Variants in C12orf57 observed in about 807,000 individuals in gnomAD.
C12orf57 encodes protein C10.
C12orf57 carries 14 observed loss-of-function variants against 11.3 expected under a neutral mutation model. The ratio of observed to expected loss-of-function variants is 1.24; its 90% confidence interval spans 0.82 to 1.94. C12orf57 has a LOEUF of 1.94. Among genes scored for constraint, C12orf57 ranks in the 30% most tolerant of loss-of-function variants. C12orf57 has a pLI of 0.00. For synonymous variants in C12orf57, 100 were observed against 74.6 expected (o/e 1.34, Z -1.76); for missense variants, 229 against 172.4 (o/e 1.33, Z -1.84).
chr12:6,943,927 T>C (rs782535843), upstream of C12orf57: 49 of 1,327,218 alleles, frequency 3.7e-5, no homozygotes, highest in South Asian at 1.2e-4. Context: ...GTGCAAAAAT[T>C]ATGGGTAGTT....
chr12:6,943,501 C>A (rs1434095462), upstream of C12orf57: 3 of 1,273,298 alleles, frequency 2.4e-6, no homozygotes, highest in Non-Finnish European at 3.0e-6. Flanking sequence ...TAGGAAACTG[C>A]GACAACGGCT....
Position 6,945,968 on chromosome 12 carries a change from ATGT to A in C12orf57, c.*48_*50del. On this transcript the variant is annotated 3_prime_UTR_variant, in exon 3 of 3. Coordinates refer to ENST00000229281, the MANE Select transcript of C12orf57 (RefSeq NM_138425.4). ...CACTGCCAGGGGAGGAAAGGCCTTG[ATGT>A]TCCAGACAATAATAAATGCGCCTGT... is the stretch of plus-strand genomic sequence containing the variant. The A allele has an allele frequency of 6.3e-7, 1 of 1,582,192 alleles. No homozygotes were observed. Among genetic ancestry groups the A allele is most frequent in the South Asian group, 1.1e-5 (1 of 88,194 alleles).
chr12:6,943,941 G>T (rs112228671), upstream of C12orf57: 8 of 1,425,184 alleles, frequency 5.6e-6, no homozygotes, highest in Admixed American at 2.5e-5. Context: ...GGTAGTTTTG[G>T]TGGTCTTGAT....
At chr12:6,943,888 T>G (rs916763179), upstream of C12orf57, 5 of 1,054,118 alleles carry the variant, frequency 4.7e-6, no homozygotes, top group Non-Finnish European at 6.6e-6. Context: ...TCTTATGATG[T>G]TTGTTGCCAA....
upstream of C12orf57, chr12:6,943,853 T>TA (rs1298070350): frequency 3.4e-5 from 31 of 909,290 alleles, no homozygotes; most frequent in Middle Eastern, 3.6e-4. Flanking sequence ...CTAGTAGGCT[T>TA]TCTGGCTTTT....
Position 6,944,607 on chromosome 12 carries a change from C to T in C12orf57, c.184C>T (p.Gln62Ter), listed in dbSNP as rs587777698. Residue 62 changes from glutamine (Q) to a stop codon, truncating the protein, a stop_gained, in exon 2 of 3, where the codon CAG becomes TAG. Transcript: ENST00000229281. LOFTEE classifies it high-confidence loss of function. ...CGTGCTGCCCGTGGCCACGCAGATCCAGCAGGAGGTTATCAAAGCCTATGG... is the reference window on the plus strand; with the variant it reads ...CGTGCTGCCCGTGGCCACGCAGATCTAGCAGGAGGTTATCAAAGCCTATGG... Reference protein sequence around the residue: ...QFVLPVATQIQQEVIKAYGFS... With the variant: ...QFVLPVATQI 2.5e-6 allele frequency: 4 copies of T among 1,614,146 alleles called. No homozygotes were observed. Among genetic ancestry groups the T allele is most frequent in the Non-Finnish European group, 3.4e-6 (4 of 1,180,006 alleles).
At chr12:6,944,411 T>G (rs376869355) in intron 1 of C12orf57, 65 bp from the exon 2 acceptor site, 25 of 1,575,778 alleles carry the variant, frequency 1.6e-5, no homozygotes, top group South Asian at 1.1e-4. Flanking sequence ...CGCTCTCCGC[T>G]GGGCCCGCTG....
At chr12:6,945,039 A>G in intron 2 of C12orf57, 2 of 414,064 alleles carry the variant, frequency 4.8e-6, no homozygotes, top group Non-Finnish European at 4.1e-6. Flanking sequence ...AATAGTCTGA[A>G]TAATTTTGTG....
intron 1 of C12orf57, 74 bp from the exon 2 acceptor site, chr12:6,944,402 G>T (rs1380037981): frequency 1.3e-6 from 2 of 1,567,244 alleles, no homozygotes; most frequent in Non-Finnish European, 1.7e-6. Flanking sequence ...AATTCCTTGC[G>T]CTCTCCGCTG....
chr12:6,943,864 T>TGGTAAAAA, upstream of C12orf57: 2 of 937,258 alleles, frequency 2.1e-6, no homozygotes, highest in Non-Finnish European at 3.0e-6. Flanking sequence ...TCTGGCTTTT[T>TGGTAAAAA]ACCGGAAAGC....
upstream of C12orf57, chr12:6,943,913 C>G (rs79312103): frequency 7.3e-6 from 9 of 1,225,622 alleles, no homozygotes; most frequent in East Asian, 7.7e-5. Flanking sequence ...AGATTGTTTT[C>G]ACTGTGCAAA....
intron 2 of C12orf57, chr12:6,945,079 C>A: frequency 3.2e-6 from 1 of 311,194 alleles, no homozygotes; most frequent in Non-Finnish European, 5.8e-6. Flanking sequence ...TGCGTTTTGA[C>A]TACAGTCTCC....
upstream of C12orf57, chr12:6,943,679 A>G (rs1945685827): frequency 7.8e-7 from 1 of 1,281,914 alleles, no homozygotes; most frequent in African/African-American, 1.5e-5. Context: ...TCCTTAGAAT[A>G]TTATTTTTCC....
intron 1 of C12orf57, 27 bp from the exon 2 acceptor site, chr12:6,944,449 C>G: frequency 6.2e-7 from 1 of 1,606,154 alleles, no homozygotes; most frequent in Non-Finnish European, 8.5e-7. Context: ...ACCCGGGACG[C>G]CTCCCTGGGA....
At chr12:6,945,644 C>T (rs1945785637) in intron 2 of C12orf57, 127 bp from the exon 3 acceptor site, 11 of 944,616 alleles carry the variant, frequency 1.2e-5, no homozygotes, top group Non-Finnish European at 1.8e-5. Flanking sequence ...GGCCTGCATG[C>T]GTCCTGTTTG....
At chr12:6,944,711 G>A in intron 2 of C12orf57, 59 bp downstream of exon 2, 2 of 1,598,006 alleles carry the variant, frequency 1.3e-6, no homozygotes, top group Non-Finnish European at 1.7e-6. Flanking sequence ...GGTCGGGAGA[G>A]GGCGCCGGAT....
Position 6,944,570 on chromosome 12 carries a change from G to A in C12orf57, c.147G>A (p.Lys49=), listed in dbSNP as rs1555146039. Residue 49 remains lysine, a synonymous_variant, in exon 2 of 3, where the codon AAG becomes AAA. Coordinates refer to ENST00000229281, the MANE Select transcript of C12orf57 (RefSeq NM_138425.4). The stretch of plus-strand genomic sequence containing the variant: ...ATAACGCCTGCAACGACATGGGTAA[G>A]ATGCTGCAATTCGTGCTGCCCGTGG... The part of the protein sequence containing the change: ...ARDNACNDMG[K]MLQFVLPVAT... 2 of 1,614,208 alleles carry A rather than the reference G, an allele frequency of 1.2e-6. No individual in the cohort carries two copies. Among genetic ancestry groups the A allele is most frequent in the Admixed American group, 1.7e-5 (1 of 60,026 alleles).
chr12:6,944,412 G>T, intron 1 of C12orf57, 64 bp from the exon 2 acceptor site: 1 of 1,576,736 alleles, frequency 6.3e-7, no homozygotes, highest in Non-Finnish European at 8.6e-7. Context: ...GCTCTCCGCT[G>T]GGCCCGCTGT....
In C12orf57 at chr12:6,945,989, G is replaced by A. The variant is rs1243816943; in HGVS notation, c.*67G>A. The A allele has an allele frequency of 6.5e-7, 1 of 1,536,086 alleles. No individual in the cohort carries two copies. The highest frequency in any genetic ancestry group is 1.9e-5 in the Admixed American group (1 of 53,138). On this transcript the variant is annotated 3_prime_UTR_variant, in exon 3 of 3. Coordinates refer to ENST00000229281, the MANE Select transcript of C12orf57 (RefSeq NM_138425.4). ...CTTGATGTTCCAGACAATAATAAAT[G>A]CGCCTGTGACTTAGCCTTGGTGTCA...
Sources: gnomAD v4.1 joint callset for allele counts on GRCh38, gnomAD v4.1.1 for gene constraint, MANE v1.5 for transcripts, NCBI Gene and HGNC (gene_info 2026-07-23, HGNC 2026-07-21) for gene names.